The following SHOC2 variants were observed in gnomAD, a reference collection of about 807,000 sequenced individuals.
SHOC2 encodes the protein SHOC2 leucine rich repeat scaffold protein.
SHOC2 carries 4 observed loss-of-function variants against 50.2 expected under a neutral mutation model. That is an observed-to-expected ratio of 0.08 (90% CI 0.04 to 0.18). SHOC2 has a LOEUF of 0.18. Ranked by LOEUF, SHOC2 falls within the 10% of genes least tolerant of loss-of-function variation. The pLI is 1.00. For synonymous variants in SHOC2, 218 were observed against 244.5 expected, an observed-to-expected ratio of 0.89 and a Z score of 1.01; for missense variants, 388 against 669.6, an observed-to-expected ratio of 0.58 and a Z score of 4.64.
In SHOC2 at chr10:110,965,068, G is replaced by A. The variant is rs1847647596; in HGVS notation, c.703+7G>A. ...CAACTACCTGCTGAAATTGGTAAGA[G>A]GCCTTGGATTATTATTATTTGTAGT... On this transcript the variant is annotated splice_region_variant and intron_variant, in intron 2 of 8. Transcript: ENST00000369452. The A allele has an allele frequency of 6.2e-7, 1 of 1,609,074 alleles. No individual in the cohort carries two copies. The highest frequency in any genetic ancestry group is 8.5e-7 in the Non-Finnish European group (1 of 1,175,872).
rs182125264 is a variant in SHOC2, at chr10:111,004,105, A to G, written c.973-501A>G. ...ATCAGGAAGCATAATCATCTACTGA[A>G]TTTAATAGTTCCTAAAAGGAATCTT... is the stretch of plus-strand genomic sequence containing the variant. On this transcript the variant is annotated intron_variant, in intron 4 of 8. Coordinates refer to ENST00000369452, the MANE Select transcript of SHOC2 (RefSeq NM_007373.4). Among the ~76,000 whole-genome samples, 20 of 152,328 alleles carry G rather than the reference A, an allele frequency of 1.3e-4. 1 individual carries two copies. In the East Asian group the frequency reaches 2.3e-3, roughly 18 times the overall value.
intron 1 of SHOC2, among the ~76,000 whole-genome samples, chr10:110,942,215 C>T (rs1341659940): frequency 6.6e-6 from 1 of 152,088 alleles, no homozygotes; most frequent in Admixed American, 6.5e-5. Flanking sequence ...TTAATAATTC[C>T]ACTGATTTCG....
intron 4 of SHOC2, among the ~76,000 whole-genome samples, chr10:111,001,060 C>T (rs1330885200): frequency 3.4e-5 from 5 of 145,220 alleles, no homozygotes; most frequent in South Asian, 2.2e-4. Flanking sequence ...TCGCCAGAAT[C>T]TTTTTTTTTT....
intron 1 of SHOC2, among the ~76,000 whole-genome samples, chr10:110,941,518 G>T (rs982265332): frequency 3.3e-5 from 5 of 151,840 alleles, no homozygotes; most frequent in African/African-American, 1.2e-4. Context: ...TTTTAGTAGA[G>T]ACAGGGTTTC....
chr10:110,953,095 C>T (rs1847388457), intron 1 of SHOC2, among the ~76,000 whole-genome samples: 1 of 152,180 alleles, frequency 6.6e-6, no homozygotes, highest in African/African-American at 2.4e-5. Flanking sequence ...AATGGGATTG[C>T]TGGGTCAAAT....
intron 3 of SHOC2, among the ~76,000 whole-genome samples, chr10:110,997,300 A>C (rs1399847858): frequency 6.6e-6 from 1 of 152,216 alleles, no homozygotes; most frequent in African/African-American, 2.4e-5. Flanking sequence ...TTTTTTAAAA[A>C]ATTAAAATGA....
At chr10:111,002,876 T>G (rs1193283624) in intron 4 of SHOC2, among the ~76,000 whole-genome samples, 1 of 152,122 alleles carries the variant, frequency 6.6e-6, no homozygotes, top group Non-Finnish European at 1.5e-5. Flanking sequence ...TCAAATATAC[T>G]CAGTATTAAC....
rs139648111 is a variant in SHOC2 at position 110,944,120 on chromosome 10, T to G, written c.-234-20005T>G. ...ATGACAAAAACATACCTTGGAAAAT[T>G]TATTATGAAATCTGAAATGTGACAT... On this transcript the variant is annotated intron_variant, in intron 1 of 8. Coordinates refer to ENST00000369452, the MANE Select transcript of SHOC2 (RefSeq NM_007373.4). Among the ~76,000 whole-genome samples, 485 of 152,334 alleles carry G rather than the reference T, an allele frequency of 3.2e-3. 26 individuals are homozygous for G. In the South Asian group the frequency reaches 0.092, roughly 29 times the overall value.
intron 2 of SHOC2, among the ~76,000 whole-genome samples, chr10:110,970,920 T>A (rs11195392): frequency 0.072 from 10,951 of 152,148 alleles, 787 homozygotes; most frequent in East Asian, 0.3. Context: ...CACATAATGA[T>A]GATTATTGTT....
chr10:110,951,250 C>T (rs980155152), intron 1 of SHOC2, among the ~76,000 whole-genome samples: 1 of 152,122 alleles, frequency 6.6e-6, no homozygotes, highest in Non-Finnish European at 1.5e-5. Context: ...AGACAACATA[C>T]AGTGTACATC....
intron 1 of SHOC2, among the ~76,000 whole-genome samples, chr10:110,938,730 A>G (rs1407351979): frequency 1.3e-5 from 2 of 152,204 alleles, no homozygotes; most frequent in Non-Finnish European, 1.5e-5. Flanking sequence ...AACCTATTTG[A>G]TAGTGGAACT....
At chr10:110,927,514 C>G (rs1402701894) in intron 1 of SHOC2, among the ~76,000 whole-genome samples, 1 of 152,128 alleles carries the variant, frequency 6.6e-6, no homozygotes, top group Non-Finnish European at 1.5e-5. Flanking sequence ...ACATTTATTT[C>G]TGTACTTTGG....
intron 3 of SHOC2, among the ~76,000 whole-genome samples, chr10:110,997,111 A>G (rs1262530794): frequency 6.6e-6 from 1 of 152,210 alleles, no homozygotes; most frequent in Non-Finnish European, 1.5e-5. Context: ...TTACATTTTG[A>G]ACTTTAAAAC....
chr10:110,978,041 C>A (rs1847908323), intron 2 of SHOC2, among the ~76,000 whole-genome samples: 1 of 152,178 alleles, frequency 6.6e-6, no homozygotes, highest in Non-Finnish European at 1.5e-5. Context: ...CTTGGCTTTC[C>A]TAGACTAAAA....
At chr10:110,975,394 G>A (rs1270114388) in intron 2 of SHOC2, among the ~76,000 whole-genome samples, 1 of 151,968 alleles carries the variant, frequency 6.6e-6, no homozygotes, top group Non-Finnish European at 1.5e-5. Flanking sequence ...TGCCTGCCTC[G>A]GCCTCCCAAA....
chr10:111,000,852 G>A (rs1434956452), intron 4 of SHOC2, among the ~76,000 whole-genome samples: 1 of 152,092 alleles, frequency 6.6e-6, no homozygotes, highest in Non-Finnish European at 1.5e-5. Context: ...TTTGGGAACT[G>A]ACAGTAAAGG....
rs371640183 is a variant in SHOC2, at chr10:110,964,541, A to G, written c.183A>G (p.Gln61=). The G allele has an allele frequency of 7.4e-6, 12 of 1,614,010 alleles. No homozygotes were observed. In the Admixed American group the frequency reaches 8.3e-5, roughly 11 times the overall value. Residue 61 remains glutamine, a synonymous_variant, in exon 2 of 9, where the codon CAA becomes CAG. Coordinates refer to ENST00000369452, the MANE Select transcript of SHOC2 (RefSeq NM_007373.4). This position sits in a 1 kb window ranked among gnomAD's most constrained non-coding sequence, Gnocchi z 4.9. ...KDGKKDSSAA[Q]PGVAFSVDNT... is the part of the protein sequence containing the mutation. The stretch of plus-strand genomic sequence containing the variant: ...GAAAGAAGGACTCCAGTGCTGCCCA[A>G]CCAGGGGTGGCATTTTCAGTTGACA...
At chr10:110,965,965 A>G (rs1394225409) in intron 2 of SHOC2, among the ~76,000 whole-genome samples, 1 of 152,096 alleles carries the variant, frequency 6.6e-6, no homozygotes, top group Non-Finnish European at 1.5e-5. Context: ...AAGCTTTTTA[A>G]AGGATGTTTT....
intron 1 of SHOC2, among the ~76,000 whole-genome samples, chr10:110,932,041 C>A (rs928917783): frequency 6.6e-6 from 1 of 152,090 alleles, no homozygotes; most frequent in Non-Finnish European, 1.5e-5. Flanking sequence ...TTAGGAAAAG[C>A]CTTCCCAGAC....
Sources: allele counts gnomAD v4.1 joint callset (sites outside exome capture counted in the v4.1 genomes callset), GRCh38; gene constraint gnomAD v4.1.1; non-coding constraint Gnocchi (gnomAD v3.1); transcripts MANE v1.5; gene names NCBI Gene and HGNC (gene_info 2026-07-23, HGNC 2026-07-21).